The following DENND1C variants were observed in gnomAD, a reference collection of about 807,000 sequenced individuals.
DENND1C encodes DENN domain containing 1C.
In DENND1C, 64 loss-of-function variants were observed where a neutral mutation model predicts 87.9. That is an observed-to-expected ratio of 0.73 (90% CI 0.60 to 0.90). The LOEUF is 0.90. Ranked by LOEUF, DENND1C falls within the 40% of genes least tolerant of loss-of-function variation. The pLI is 0.00. For missense variants in DENND1C, 980 were observed against 1,037.0 expected, an observed-to-expected ratio of 0.95 and a Z score of 0.76; for synonymous variants, 384 against 424.4, an observed-to-expected ratio of 0.90 and a Z score of 1.17.
chr19:6,478,266 G>A lies in DENND1C; in HGVS notation c.366+517C>T, dbSNP rs575522505. Among the ~76,000 whole-genome samples, 270 of 152,098 alleles carry A rather than the reference G, an allele frequency of 1.8e-3. 1 individual carries two copies. Among genetic ancestry groups the A allele is most frequent in the African/African-American group, 6.3e-3 (263 of 41,502 alleles). On this transcript the variant is annotated intron_variant, in intron 6 of 22. Transcript: ENST00000381480. ...ATTTTTTATTTTTATTTTTTGAGAC[G>A]GAGTTTCGCTCCTGTTGCCCAAGCT... is the stretch of plus-strand genomic sequence containing the variant.
At chr19:6,472,074 C>T (rs1482600084) in intron 15 of DENND1C, among the ~76,000 whole-genome samples, 1 of 152,218 alleles carries the variant, frequency 6.6e-6, no homozygotes, top group African/African-American at 2.4e-5. Flanking sequence ...AACTACCCAC[C>T]CGCTCTCATT....
At chr19:6,480,250 G>C (rs1233249816) in intron 1 of DENND1C, 199 bp from the exon 2 acceptor site, 1 of 1,440,134 alleles carries the variant, frequency 6.9e-7, no homozygotes, top group African/African-American at 1.5e-5. Flanking sequence ...CACAAGTACA[G>C]GATGGAGTGA....
intron 2 of DENND1C, 31 bp from the exon 3 acceptor site, chr19:6,479,933 C>T (rs372401762): frequency 1.1e-5 from 17 of 1,594,456 alleles, no homozygotes; most frequent in Middle Eastern, 1.7e-4. Flanking sequence ...CTAAGTTCAG[C>T]GACCCAGGCC....
At chr19:6,470,620 G>GTTTTTTTTTTTTTTTTTTT (rs35687922) in intron 17 of DENND1C, among the ~76,000 whole-genome samples, 1 of 114,782 alleles carries the variant, frequency 8.7e-6, no homozygotes, top group Non-Finnish European at 1.7e-5. Flanking sequence ...GTTTTTTTTT[G>GTTTTTTTTTTTTTTTTTTT]TTTTTTTTTT....
In DENND1C at chr19:6,470,325, G is replaced by GCCTCA. The variant is rs2092820452; in HGVS notation, c.1331_1332insTGAGG (p.Gln445GlufsTer17). ...GGTACATGTTCTTGACGGCTGGTTG[G>GCCTCA]GTCTTGGCCTTGACTGAGTGCAGGA... On this transcript the variant is annotated frameshift_variant, in exon 18 of 23. Coordinates refer to ENST00000381480, the MANE Select transcript of DENND1C (RefSeq NM_024898.4). LOFTEE classifies it high-confidence loss of function. The GCCTCA allele has an allele frequency of 6.2e-7, 1 of 1,612,278 alleles. No individual in the cohort carries two copies. The highest frequency in any genetic ancestry group is 8.5e-7 in the Non-Finnish European group (1 of 1,179,362).
At chr19:6,473,827 G>T (rs2092844022) in intron 14 of DENND1C, among the ~76,000 whole-genome samples, 1 of 151,648 alleles carries the variant, frequency 6.6e-6, no homozygotes, top group South Asian at 2.1e-4. Flanking sequence ...GGAGGGAAAT[G>T]ATCTGACTCG....
At position 6,480,088 on chromosome 19, in the gene DENND1C, A is replaced by ACACT. The variant is rs745850803; in HGVS notation, c.18-38_18-37insAGTG. ...AGAAGGGGTCCAGAGACTTGCTTCT[A>ACACT]TGCATGTGTGGTTGTGTCTGCCACT... On this transcript the variant is annotated intron_variant, in intron 1 of 22. Transcript: ENST00000381480. 5.7e-6 allele frequency: 9 copies of ACACT among 1,583,270 alleles called. No homozygotes were observed. The East Asian group carries it at 2.1e-4, about 36-fold the overall frequency.
Position 6,468,372 on chromosome 19 carries a change from C to T in DENND1C, c.1653G>A (p.Leu551=), listed in dbSNP as rs374095311. 1.2e-6 allele frequency: 2 copies of T among 1,613,794 alleles called. No homozygotes were observed. Among genetic ancestry groups the T allele is most frequent in the Non-Finnish European group, 1.7e-6 (2 of 1,179,872 alleles). Residue 551 remains leucine, a synonymous_variant, in exon 22 of 23, where the codon TTG becomes TTA. Coordinates refer to ENST00000381480, the MANE Select transcript of DENND1C (RefSeq NM_024898.4). ...WAEEALDSSF[L]GSGEELDLLS... ...ACAAATCCAGTTCTTCTCCAGACCC[C>T]AAGAAGCTGCTGTCCAGAGCTTCTT... is the stretch of plus-strand genomic sequence containing the variant.
intron 19 of DENND1C, 61 bp downstream of exon 19, chr19:6,469,535 C>T (rs1361968301): frequency 9.9e-6 from 15 of 1,522,676 alleles, no homozygotes; most frequent in African/African-American, 8.2e-5. Context: ...CCTCCTGCCT[C>T]GGCCTCCCAA....
At chr19:6,470,619 T>A (rs888593633) in intron 17 of DENND1C, among the ~76,000 whole-genome samples, 1 of 129,738 alleles carries the variant, frequency 7.7e-6, no homozygotes, top group Admixed American at 7.4e-5. Context: ...AGTTTTTTTT[T>A]GTTTTTTTTT....
At chr19:6,479,586 GTCTGAGTC>G (rs2092886302) in intron 4 of DENND1C, 75 bp downstream of exon 4, 1 of 1,563,934 alleles carries the variant, frequency 6.4e-7, no homozygotes, top group East Asian at 2.2e-5. Context: ...GTTTCCAGAT[GTCTGAGTC>G]TCTAGGTGTT....
rs1402954538 is a variant in DENND1C at position 6,478,983 on chromosome 19, A to C, written c.250T>G (p.Phe84Val). The C allele has an allele frequency of 3.1e-6, 5 of 1,613,888 alleles. No individual in the cohort carries two copies. Among genetic ancestry groups the C allele is most frequent in the Non-Finnish European group, 4.2e-6 (5 of 1,179,842 alleles). Residue 84 changes from phenylalanine to valine, a missense_variant, in exon 5 of 23, where the codon TTC (phenylalanine) becomes GTC (valine). Physicochemically the swap from Phe to Val is conservative, Grantham distance 50 (BLOSUM62 -1). Coordinates refer to ENST00000381480, the MANE Select transcript of DENND1C (RefSeq NM_024898.4). ...TDLAGNRRFG[F>V]CRLRAGTQSC... Reference sequence around the variant, plus strand: ...TGGGTACCCGCCCGCAGGCGGCAGAAACCAAATCTGCGGTTGCCGGCAAGG... The same window carrying C: ...TGGGTACCCGCCCGCAGGCGGCAGACACCAAATCTGCGGTTGCCGGCAAGG...
Position 6,467,842 on chromosome 19 carries a change from C to T in DENND1C, c.2068G>A (p.Ala690Thr), listed in dbSNP as rs2092804319. Residue 690 changes from alanine to threonine, a missense_variant, in exon 23 of 23, where the codon GCT (alanine) becomes ACT (threonine). Physicochemically the swap from Ala to Thr is moderately conservative, Grantham distance 58. Coordinates refer to ENST00000381480, the MANE Select transcript of DENND1C (RefSeq NM_024898.4). ...TTTTCCTGGGCTGTAGAATCTTCAG[C>T]TGCCTTGTGGGAAGGGGTGAGATGA... Reference protein sequence around the residue: ...ILHLTPSHKAAEDSTAQENPT... With the variant: ...ILHLTPSHKATEDSTAQENPT... 2 of 1,579,626 alleles carry T rather than the reference C, an allele frequency of 1.3e-6. No individual in the cohort carries two copies. Among genetic ancestry groups the T allele is most frequent in the Non-Finnish European group, 1.7e-6 (2 of 1,162,884 alleles).
At chr19:6,477,176 A>G (rs1446367607) in intron 8 of DENND1C, 42 bp downstream of exon 8, 9 of 1,592,928 alleles carry the variant, frequency 5.6e-6, no homozygotes, top group Non-Finnish European at 6.8e-6. Flanking sequence ...GGCTGGCCTC[A>G]CCTGGACCCC....
intron 21 of DENND1C, 37 bp from the exon 22 acceptor site, chr19:6,468,478 G>C: frequency 6.3e-7 from 1 of 1,590,918 alleles, no homozygotes; most frequent in Non-Finnish European, 8.6e-7. Context: ...ATTTGCCCAA[G>C]ACCCCCAGCC....
Position 6,481,724 on chromosome 19 carries a change from C to T in DENND1C, c.-29G>A. On this transcript the variant is annotated 5_prime_UTR_variant, in exon 1 of 23. Transcript: ENST00000381480. ...CCCTGCAGGGCCAGCCCAGCGGGGC[C>T]CTCTCCCCAGGGGTCCTGGGGGCCT... The T allele has an allele frequency of 1.3e-6, 2 of 1,558,054 alleles. No homozygotes were observed. The highest frequency in any genetic ancestry group is 8.7e-7 in the Non-Finnish European group (1 of 1,154,992).
chr19:6,481,329 C>T (rs570179345), intron 1 of DENND1C, among the ~76,000 whole-genome samples: 1 of 152,156 alleles, frequency 6.6e-6, no homozygotes, highest in African/African-American at 2.4e-5. Flanking sequence ...CCACTCATAC[C>T]AACACCCAGC....
At chr19:6,474,461 C>T (rs2092847454) in intron 14 of DENND1C, among the ~76,000 whole-genome samples, 1 of 152,186 alleles carries the variant, frequency 6.6e-6, no homozygotes, top group African/African-American at 2.4e-5. Flanking sequence ...AAGGCCCCGG[C>T]TTCAACATTC....
rs1212177683 is a variant in DENND1C at position 6,478,789 on chromosome 19, CT to C, written c.359del (p.Gln120ArgfsTer34). The C allele has an allele frequency of 2.5e-6, 4 of 1,612,410 alleles. No individual in the cohort carries two copies. In the South Asian group the frequency reaches 4.4e-5, roughly 18 times the overall value. On this transcript the variant is annotated frameshift_variant, in exon 6 of 23. Coordinates refer to ENST00000381480, the MANE Select transcript of DENND1C (RefSeq NM_024898.4). LOFTEE classifies it high-confidence loss of function. ...AGAGAGGGGCTGGTCTCACTTGGTC[CT>C]GGGCTAGGAGGTCTCCCACTGTGTT... ...LLNTVGDLLAQDQVTEAEELL... is the reference protein window; with the variant it reads ...LLNTVGDLLAXDQVTEAEELL...
Sources: gnomAD v4.1 joint callset for allele counts (sites outside exome capture counted in the v4.1 genomes callset) on GRCh38, gnomAD v4.1.1 for gene constraint, MANE v1.5 for transcripts, NCBI Gene and HGNC (gene_info 2026-07-23, HGNC 2026-07-21) for gene names.